RARB: variants seen among roughly 807,000 people sequenced by gnomAD.
RARB encodes the protein retinoic acid receptor beta, also known as HBV-activated protein.
A neutral mutation model predicts 51.9 loss-of-function variants in RARB; 17 were observed. That is an observed-to-expected ratio of 0.33 (90% CI 0.22 to 0.49). RARB has a LOEUF of 0.49. Among genes scored for constraint, RARB ranks in the 20% least tolerant of loss-of-function variants. The pLI is 0.99. For synonymous variants in RARB, 215 were observed against 195.4 expected, an observed-to-expected ratio of 1.10 and a Z score of -0.84; for missense variants, 369 against 550.8, an observed-to-expected ratio of 0.67 and a Z score of 3.30.
chr3:25,119,356 G>T (rs1699741668), intron 3 of RARB, among the ~76,000 whole-genome samples: 1 of 152,102 alleles, frequency 6.6e-6, no homozygotes, highest in African/African-American at 2.4e-5. Flanking sequence ...ATTTGACCTT[G>T]GCAAATTGTC....
At chr3:25,023,886 A>T (rs1697690419) in intron 2 of RARB, among the ~76,000 whole-genome samples, 1 of 152,120 alleles carries the variant, frequency 6.6e-6, no homozygotes, top group Admixed American at 6.5e-5. Context: ...GTGTTTGGGG[A>T]GGTGGGTAGA....
chr3:24,845,008 A>G (rs554130589), intron 1 of RARB, among the ~76,000 whole-genome samples: 11 of 152,196 alleles, frequency 7.2e-5, no homozygotes, highest in Non-Finnish European at 1.5e-4. Context: ...TTCTTATTCT[A>G]TTCAACAATC....
At chr3:25,514,559 A>G (rs1006116929) in intron 3 of RARB, among the ~76,000 whole-genome samples, 2 of 152,170 alleles carry the variant, frequency 1.3e-5, no homozygotes, top group Non-Finnish European at 2.9e-5. Context: ...TAGGACACAA[A>G]TATTTTATTG....
intron 5 of RARB, among the ~76,000 whole-genome samples, chr3:25,258,662 G>T (rs1702925672): frequency 1.3e-5 from 2 of 152,040 alleles, no homozygotes; most frequent in Admixed American, 6.6e-5. Flanking sequence ...AAGGAAAGAG[G>T]TTGATTTAGT....
chr3:25,286,181 C>T (rs906401347), intron 5 of RARB, among the ~76,000 whole-genome samples: 7 of 133,392 alleles, frequency 5.2e-5, no homozygotes, highest in Non-Finnish European at 8.1e-5. Context: ...CTCCATCTCC[C>T]GGGTTCACGC....
At chr3:24,979,049 T>C (rs558208816) in intron 2 of RARB, among the ~76,000 whole-genome samples, 14 of 152,318 alleles carry the variant, frequency 9.2e-5, no homozygotes, top group Middle Eastern at 3.4e-3. Context: ...AGTTTCTATG[T>C]AGTTGTGTGG....
At chr3:24,896,005 A>G (rs778763021) in intron 2 of RARB, among the ~76,000 whole-genome samples, 2 of 152,212 alleles carry the variant, frequency 1.3e-5, no homozygotes, top group Non-Finnish European at 2.9e-5. Context: ...TTGTCTATAC[A>G]TACAGTGGCA....
intron 2 of RARB, among the ~76,000 whole-genome samples, chr3:24,946,755 C>T (rs1695784444): frequency 6.6e-6 from 1 of 151,968 alleles, no homozygotes; most frequent in Admixed American, 6.6e-5. Flanking sequence ...AGTCCCAGCT[C>T]CCAAGAAACT....
intron 5 of RARB, among the ~76,000 whole-genome samples, chr3:25,354,593 G>T (rs1219497602): frequency 1.3e-5 from 2 of 152,118 alleles, no homozygotes; most frequent in Admixed American, 6.6e-5. Context: ...TTGAAGAACT[G>T]GAAGCTGAAC....
intron 5 of RARB, among the ~76,000 whole-genome samples, chr3:25,359,949 C>G (rs1438321029): frequency 6.6e-6 from 1 of 152,136 alleles, no homozygotes; most frequent in African/African-American, 2.4e-5. Context: ...AATGTATATT[C>G]TGTTGATTTG....
rs368729715 is a variant in RARB at position 24,954,522 on chromosome 3, T to C, written c.-380+95770T>C. 8.5e-5 allele frequency among the ~76,000 whole-genome samples: 13 copies of C among 152,332 alleles called. No homozygotes were observed. In the East Asian group the frequency reaches 1.2e-3, roughly 14 times the overall value. On this transcript the variant is annotated intron_variant, in intron 2 of 11. Coordinates refer to the RARB transcript ENST00000383772. ...CCCCTTATCTTACAGATTTAAAAGT[T>C]GGGGTGCCGAGAACTTGTGATTCAC...
intron 4 of RARB, among the ~76,000 whole-genome samples, chr3:25,579,084 T>C (rs1701064421): frequency 6.6e-6 from 1 of 152,246 alleles, no homozygotes; most frequent in African/African-American, 2.4e-5. Context: ...CTCTAACACC[T>C]AATAGCTCAT....
chr3:24,839,975 A>G (rs1398867457), intron 1 of RARB, among the ~76,000 whole-genome samples: 1 of 152,218 alleles, frequency 6.6e-6, no homozygotes, highest in African/African-American at 2.4e-5. Context: ...ATGGTATCAT[A>G]GCTGAGAGCA....
intron 3 of RARB, among the ~76,000 whole-genome samples, chr3:25,094,228 T>TA (rs1351979362): frequency 6.6e-6 from 1 of 152,176 alleles, no homozygotes; most frequent in East Asian, 1.9e-4. Flanking sequence ...TATCCACTGT[T>TA]AATAACACTA....
At chr3:24,935,273 C>T (rs921476200) in intron 2 of RARB, among the ~76,000 whole-genome samples, 5 of 151,918 alleles carry the variant, frequency 3.3e-5, no homozygotes, top group African/African-American at 1.2e-4. Flanking sequence ...TTAATATATC[C>T]CACTGAGCTC....
chr3:24,914,320 G>A (rs1695061875), intron 2 of RARB, among the ~76,000 whole-genome samples: 1 of 152,110 alleles, frequency 6.6e-6, no homozygotes, highest in Admixed American at 6.5e-5. Flanking sequence ...CTGGAATATT[G>A]CCACTCACTG....
At chr3:25,123,545 G>A (rs1166156207) in intron 3 of RARB, among the ~76,000 whole-genome samples, 1 of 152,196 alleles carries the variant, frequency 6.6e-6, no homozygotes, top group South Asian at 2.1e-4. Flanking sequence ...CCCTGTGGGA[G>A]AAAAGCAACA....
At chr3:25,432,341 T>G (rs1708243165) in intron 1 of RARB, among the ~76,000 whole-genome samples, 1 of 152,198 alleles carries the variant, frequency 6.6e-6, no homozygotes, top group South Asian at 2.1e-4. Context: ...TTCAAAAAAC[T>G]AAACAGTAGA....
At position 25,531,388 on chromosome 3, in the gene RARB, G is replaced by GTAGATAGATAGATAGA. The variant is rs142863604; in HGVS notation, c.448+30086_448+30101dup. Among the ~76,000 whole-genome samples the GTAGATAGATAGATAGA allele has an allele frequency of 3.1e-4, 45 of 145,452 alleles. 1 individual carries two copies. Among genetic ancestry groups the GTAGATAGATAGATAGA allele is most frequent in the Admixed American group, 2.0e-3 (29 of 14,624 alleles). ...GATAGATAGGTAGATAGATAGATAG[G>GTAGATAGATAGATAGA]TAGATAGATAGATAGATAGATAGAT... On this transcript the variant is annotated intron_variant, in intron 3 of 7. Coordinates refer to ENST00000330688, the MANE Select transcript of RARB (RefSeq NM_000965.5).
Sources: allele counts gnomAD v4.1 joint callset (sites outside exome capture counted in the v4.1 genomes callset), GRCh38; gene constraint gnomAD v4.1.1; transcripts MANE v1.5; gene names NCBI Gene and HGNC (gene_info 2026-07-23, HGNC 2026-07-21).